Variants in TFAP2D observed in about 807,000 individuals in gnomAD.
TFAP2D encodes transcription factor AP-2 delta.
In TFAP2D, 9 loss-of-function variants were observed where a neutral mutation model predicts 43.6. The observed-to-expected ratio is 0.21, with a 90% confidence interval of 0.12 to 0.36. The LOEUF (loss-of-function observed/expected upper bound fraction) is 0.36, where lower values mean the gene tolerates loss of function less well. TFAP2D is among the 10% of genes least tolerant of loss of function. The probability of loss-of-function intolerance (pLI) is 1.00; values close to 1 mark genes in which losing one functional copy is unlikely to be tolerated. For synonymous variants in TFAP2D, 256 were observed against 224.9 expected (o/e 1.14, Z -1.24); for missense variants, 513 against 561.4 (o/e 0.91, Z 0.87).
At chr6:50,715,670 C>A in intron 2 of TFAP2D, 57 bp downstream of exon 2, 1 of 1,526,846 alleles carries the variant, frequency 6.5e-7, no homozygotes, top group Middle Eastern at 1.8e-4. Flanking sequence ...CTCCCCCTGC[C>A]GCCCCATTAA....
rs1360276095 is a variant in TFAP2D, at chr6:50,755,678, TA to T, written c.1139+4355del. 5.3e-5 allele frequency among the ~76,000 whole-genome samples: 8 copies of T among 151,990 alleles called. No individual in the cohort carries two copies. The East Asian group carries it at 1.5e-3, about 29-fold the overall frequency. On this transcript the variant is annotated intron_variant, in intron 7 of 7. Transcript: ENST00000008391. ...GAGAATTCTATCAAGTTTTGTATTGTATACTAATATATTAAAAACATTCTAC... is the reference window on the plus strand; with the variant it reads ...GAGAATTCTATCAAGTTTTGTATTGTTACTAATATATTAAAAACATTCTAC...
intron 5 of TFAP2D, among the ~76,000 whole-genome samples, chr6:50,744,490 A>G (rs2113882504): frequency 6.6e-6 from 1 of 152,246 alleles, no homozygotes; most frequent in South Asian, 2.1e-4. Context: ...TGAGCTTTAA[A>G]AATAACATTG....
At chr6:50,719,200 C>T (rs1181708660) in intron 3 of TFAP2D, 50 bp downstream of exon 3, 1 of 1,574,858 alleles carries the variant, frequency 6.3e-7, no homozygotes, top group Admixed American at 1.7e-5. Flanking sequence ...TCTCCTATCT[C>T]TTACTTTGTT....
intron 3 of TFAP2D, among the ~76,000 whole-genome samples, chr6:50,728,335 C>T (rs1274693056): frequency 6.6e-6 from 1 of 152,022 alleles, no homozygotes; most frequent in Non-Finnish European, 1.5e-5. Context: ...TTTAGCAGTG[C>T]CTGGGATTGA....
At chr6:50,750,978 C>T (rs78424418) in intron 6 of TFAP2D, among the ~76,000 whole-genome samples, 2 of 151,858 alleles carry the variant, frequency 1.3e-5, no homozygotes, top group Non-Finnish European at 2.9e-5. Context: ...CTTATCAGTG[C>T]TCATGGATTG....
intron 5 of TFAP2D, among the ~76,000 whole-genome samples, chr6:50,738,331 TG>T (rs140430734): frequency 0.059 from 8,959 of 152,208 alleles, 340 homozygotes; most frequent in Middle Eastern, 0.13. Flanking sequence ...TTGGCTGTTA[TG>T]GGTTTTTGTT....
At chr6:50,718,661 C>CA (rs1490197662) in intron 2 of TFAP2D, among the ~76,000 whole-genome samples, 3 of 152,118 alleles carry the variant, frequency 2.0e-5, no homozygotes, top group African/African-American at 7.2e-5. Flanking sequence ...TTGTATCCTG[C>CA]ATATGAAGTA....
intron 3 of TFAP2D, among the ~76,000 whole-genome samples, chr6:50,723,149 C>A (rs1208802402): frequency 6.6e-6 from 1 of 152,216 alleles, no homozygotes; most frequent in Admixed American, 6.5e-5. Flanking sequence ...GCATTTACGC[C>A]GCGGTACAAA....
chr6:50,769,793 C>T (rs1283178817), intron 7 of TFAP2D, among the ~76,000 whole-genome samples: 3 of 152,164 alleles, frequency 2.0e-5, no homozygotes, highest in Non-Finnish European at 2.9e-5. Context: ...AATTATTTAA[C>T]TTCTCTGGGA....
chr6:50,735,280 T>C (rs1768946435), intron 5 of TFAP2D, among the ~76,000 whole-genome samples: 2 of 152,140 alleles, frequency 1.3e-5, no homozygotes, highest in Middle Eastern at 3.2e-3. Context: ...TTTGGATTTG[T>C]GTTTGTGGCA....
At chr6:50,750,994 T>C (rs1769193204) in intron 6 of TFAP2D, among the ~76,000 whole-genome samples, 1 of 152,024 alleles carries the variant, frequency 6.6e-6, no homozygotes, top group African/African-American at 2.4e-5. Flanking sequence ...GATTGTTATT[T>C]GTTTGAAATG....
Position 50,726,768 on chromosome 6 carries a change from C to T in TFAP2D, c.599-2088C>T, listed in dbSNP as rs374581092. ...TTTTTTTGAAATGCATTTTGCATCT[C>T]TAAGTACAGAGTGAAACCGATAACA... On this transcript the variant is annotated intron_variant, in intron 3 of 7. Coordinates refer to ENST00000008391, the MANE Select transcript of TFAP2D (RefSeq NM_172238.4). Among the ~76,000 whole-genome samples, 24 of 152,214 alleles carry T rather than the reference C, an allele frequency of 1.6e-4. No homozygotes were observed. In the South Asian group the frequency reaches 4.6e-3, roughly 29 times the overall value.
At chr6:50,725,194 A>G (rs6917148) in intron 3 of TFAP2D, among the ~76,000 whole-genome samples, 2,846 of 152,198 alleles carry the variant, frequency 0.019, 79 homozygotes, top group African/African-American at 0.066. Flanking sequence ...ATCTGCATCC[A>G]TGTATTTTGT....
At chr6:50,763,961 A>T (rs1293419760) in intron 7 of TFAP2D, among the ~76,000 whole-genome samples, 1 of 152,166 alleles carries the variant, frequency 6.6e-6, no homozygotes, top group Admixed American at 6.5e-5. Context: ...GCCTGAAAAG[A>T]GTAAATATTA....
At chr6:50,756,421 C>A (rs1257471114) in intron 7 of TFAP2D, among the ~76,000 whole-genome samples, 2 of 152,060 alleles carry the variant, frequency 1.3e-5, no homozygotes, top group Non-Finnish European at 2.9e-5. Flanking sequence ...TTTAGTTAAA[C>A]CTCCTTCCTA....
chr6:50,733,722 C>T (rs1021393763), intron 5 of TFAP2D, among the ~76,000 whole-genome samples: 7 of 151,984 alleles, frequency 4.6e-5, no homozygotes, highest in East Asian at 1.9e-4. Flanking sequence ...TGACCTTGTC[C>T]TTCCTGCATA....
intron 5 of TFAP2D, among the ~76,000 whole-genome samples, chr6:50,742,589 GA>G (rs1769062974): frequency 1.4e-5 from 2 of 140,706 alleles, no homozygotes; most frequent in Admixed American, 1.4e-4. Flanking sequence ...TAGATAGATA[GA>G]TAGATAGATA....
At chr6:50,746,990 C>T (rs1769134352) in intron 6 of TFAP2D, among the ~76,000 whole-genome samples, 2 of 152,004 alleles carry the variant, frequency 1.3e-5, no homozygotes, top group Admixed American at 6.6e-5. Context: ...GTATGAAGAT[C>T]AAGAGATAGA....
intron 5 of TFAP2D, among the ~76,000 whole-genome samples, chr6:50,738,038 G>C (rs1042649028): frequency 1.3e-5 from 2 of 152,054 alleles, no homozygotes; most frequent in African/African-American, 2.4e-5. Context: ...TTAGCAATGA[G>C]GGTAAGAAGC....
Sources: gnomAD v4.1 joint callset for allele counts (sites outside exome capture counted in the v4.1 genomes callset) on GRCh38, gnomAD v4.1.1 for gene constraint, MANE v1.5 for transcripts, NCBI Gene and HGNC (gene_info 2026-07-23, HGNC 2026-07-21) for gene names.